The following ATP10B variants were observed in gnomAD, a reference collection of about 807,000 sequenced individuals.
The protein encoded by ATP10B is ATPase phospholipid transporting 10B (putative).
Under a neutral mutation model 141.2 loss-of-function variants are expected in ATP10B, and 122 were observed. That is an observed-to-expected ratio of 0.86 (90% CI 0.75 to 1.00). The LOEUF (loss-of-function observed/expected upper bound fraction) is 1.00. ATP10B is among the 50% of genes least tolerant of loss of function. The pLI, the probability that ATP10B is intolerant of heterozygous loss-of-function variation, is 0.00. For missense variants in ATP10B, 1,876 were observed against 1,825.3 expected, an observed-to-expected ratio of 1.03 and a Z score of -0.51; for synonymous variants, 685 against 692.0, an observed-to-expected ratio of 0.99 and a Z score of 0.16.
At chr5:160,843,503 T>C (rs1040670221) in intron 1 of ATP10B, among the ~76,000 whole-genome samples, 10 of 146,282 alleles carry the variant, frequency 6.8e-5, no homozygotes, top group Admixed American at 3.4e-4. Flanking sequence ...CAACAGAGCA[T>C]TGACAAAAAA....
chr5:160,733,426 C>T (rs1283746313), intron 2 of ATP10B, among the ~76,000 whole-genome samples: 1 of 151,608 alleles, frequency 6.6e-6, no homozygotes, highest in Non-Finnish European at 1.5e-5. Context: ...CCAAATTTGA[C>T]AAAAGATACA....
At position 160,688,010 on chromosome 5, in the gene ATP10B, TG is replaced by T; in HGVS notation, c.64del (p.His22IlefsTer21). On this transcript the variant is annotated frameshift_variant, in exon 5 of 26. Coordinates refer to ENST00000327245, the MANE Select transcript of ATP10B (RefSeq NM_025153.3). LOFTEE classifies it high-confidence loss of function. ...WQWRVRDGFP[H>X]CPSETTPLLS... ...CAGCGGTGTGGTTTCCGATGGACAA[TG>T]GGGGAAGCCATCTCTGACTCTCCAC... 6.2e-7 allele frequency: 1 copy of T among 1,613,868 alleles called. No individual in the cohort carries two copies. Among genetic ancestry groups the T allele is most frequent in the East Asian group, 2.2e-5 (1 of 44,866 alleles).
chr5:160,858,921 C>A, the ATP10B span, among the ~76,000 whole-genome samples: 1 of 151,640 alleles, frequency 6.6e-6, no homozygotes, highest in Non-Finnish European at 1.5e-5. Context: ...GCAAATGAAA[C>A]GTGTCATAAT....
intron 2 of ATP10B, among the ~76,000 whole-genome samples, chr5:160,767,786 C>G (rs1168227807): frequency 2.6e-5 from 4 of 152,068 alleles, no homozygotes; most frequent in African/African-American, 9.7e-5. Flanking sequence ...TGTCTTGATC[C>G]TTCTGAATAT....
At chr5:160,922,117 A>G in the ATP10B span, among the ~76,000 whole-genome samples, 4 of 152,166 alleles carry the variant, frequency 2.6e-5, no homozygotes, top group South Asian at 8.3e-4. Context: ...TCAGAGAAGG[A>G]TCAGCATCTG....
the ATP10B span, among the ~76,000 whole-genome samples, chr5:160,911,903 T>C: frequency 6.6e-6 from 1 of 152,220 alleles, no homozygotes; most frequent in East Asian, 1.9e-4. Context: ...CTTAGACCGG[T>C]GTCTGGCAAA....
chr5:160,654,255 G>A lies in ATP10B; in HGVS notation c.676-4999C>T, dbSNP rs570025334. Reference sequence around the variant, plus strand: ...GCTGGGATTACAGGTGTAAGCCATCGTGCCTGGCCAGGGTTCTTATTTTAA... The same window carrying A: ...GCTGGGATTACAGGTGTAAGCCATCATGCCTGGCCAGGGTTCTTATTTTAA... On this transcript the variant is annotated intron_variant, in intron 7 of 25. Transcript: ENST00000327245. Among the ~76,000 whole-genome samples, 303 of 151,838 alleles carry A rather than the reference G, an allele frequency of 2.0e-3. 3 individuals carry two copies. Among genetic ancestry groups the A allele is most frequent in the African/African-American group, 6.4e-3 (267 of 41,402 alleles).
chr5:160,688,429 G>T (rs1350027925), intron 4 of ATP10B, among the ~76,000 whole-genome samples: 4 of 152,166 alleles, frequency 2.6e-5, no homozygotes, highest in Non-Finnish European at 5.9e-5. Context: ...ATTGAAGTGG[G>T]TGGGACGTGC....
rs1436956993 is a variant in ATP10B at position 160,602,518 on chromosome 5, C to G, written c.3363+59G>C. Reference sequence around the variant, plus strand: ...GCTTTGCCCACTGCTAGGGAGAGATCTGGCCCCGTGGCAAGGCCTGCCAAA... The same window carrying G: ...GCTTTGCCCACTGCTAGGGAGAGATGTGGCCCCGTGGCAAGGCCTGCCAAA... On this transcript the variant is annotated intron_variant, in intron 21 of 25. Transcript: ENST00000327245. 2.5e-6 allele frequency: 4 copies of G among 1,608,796 alleles called. No individual in the cohort carries two copies. The African/African-American group carries it at 5.3e-5, about 21-fold the overall frequency.
intron 25 of ATP10B, 142 bp from the exon 26 acceptor site, chr5:160,566,042 T>G (rs1184207908): frequency 4.0e-6 from 3 of 751,610 alleles, no homozygotes; most frequent in East Asian, 2.7e-5. Context: ...TCTGGGCACC[T>G]CTAGTCTTGG....
At chr5:160,751,157 C>A (rs73798539) in intron 2 of ATP10B, among the ~76,000 whole-genome samples, 3,414 of 152,264 alleles carry the variant, frequency 0.022, 120 homozygotes, top group African/African-American at 0.077. Context: ...CAGCACCAGG[C>A]CTGAAGTGGA....
chr5:160,871,827 T>A, the ATP10B span, among the ~76,000 whole-genome samples: 1 of 152,104 alleles, frequency 6.6e-6, no homozygotes, highest in African/African-American at 2.4e-5. Flanking sequence ...CTGTCATAAA[T>A]GTGTGTGCGT....
intron 24 of ATP10B, among the ~76,000 whole-genome samples, chr5:160,580,492 G>C (rs886283215): frequency 8.5e-5 from 13 of 152,180 alleles, no homozygotes; most frequent in Non-Finnish European, 1.9e-4. Flanking sequence ...AACCAGCCTT[G>C]CATCCCAGGG....
In ATP10B at chr5:160,649,209, C is replaced by T. The variant is rs1266536450; in HGVS notation, c.723G>A (p.Glu241=). ...ATTTGTTGAGGTGGTTGTTGGGTTT[C>T]TCACACACGATGGTATTGTGGAAAA... ...PELFHNTIVC[E]KPNNHLNKFK... The change falls in exon 8 of 26, where the codon GAG becomes GAA. Residue 241 remains glutamate (E), a synonymous_variant. Transcript: ENST00000327245. 2 of 1,613,990 alleles carry T rather than the reference C, an allele frequency of 1.2e-6. No individual in the cohort carries two copies. Among genetic ancestry groups the T allele is most frequent in the Non-Finnish European group, 8.5e-7 (1 of 1,179,920 alleles).
chr5:160,696,087 G>A (rs912059114), intron 3 of ATP10B, among the ~76,000 whole-genome samples: 1 of 151,988 alleles, frequency 6.6e-6, no homozygotes, highest in Non-Finnish European at 1.5e-5. Flanking sequence ...TTTTACTTTA[G>A]GTGAACTCAC....
chr5:160,794,857 T>C (rs1771828485), intron 1 of ATP10B, among the ~76,000 whole-genome samples: 1 of 152,232 alleles, frequency 6.6e-6, no homozygotes, highest in Non-Finnish European at 1.5e-5. Context: ...ATTTCATTAA[T>C]AGCAATTTCC....
intron 1 of ATP10B, among the ~76,000 whole-genome samples, chr5:160,827,310 C>A (rs1214842363): frequency 2.0e-5 from 3 of 152,156 alleles, no homozygotes; most frequent in African/African-American, 7.2e-5. Flanking sequence ...TCTCTTCAAC[C>A]TTGCCTGCAT....
chr5:160,640,652 T>G, intron 9 of ATP10B, 60 bp from the exon 10 acceptor site: 1 of 1,576,718 alleles, frequency 6.3e-7, no homozygotes, highest in South Asian at 1.2e-5. Context: ...TCTTACACCA[T>G]TCCCTCAGCT....
chr5:160,821,797 G>A (rs140542685), intron 1 of ATP10B, among the ~76,000 whole-genome samples: 175 of 152,106 alleles, frequency 1.2e-3, no homozygotes, highest in African/African-American at 3.9e-3. Flanking sequence ...TAGGAAAACC[G>A]GATATCCATA....
Sources: gnomAD v4.1 joint callset for allele counts (sites outside exome capture counted in the v4.1 genomes callset) on GRCh38, gnomAD v4.1.1 for gene constraint, MANE v1.5 for transcripts, NCBI Gene and HGNC (gene_info 2026-07-23, HGNC 2026-07-21) for gene names.